The following PRCP variants were observed in gnomAD, a reference collection of about 807,000 sequenced individuals.
PRCP encodes the protein prolylcarboxypeptidase, also known as lysosomal Pro-X carboxypeptidase.
PRCP carries 46 observed loss-of-function variants against 54.2 expected under a neutral mutation model. The observed-to-expected ratio is 0.85, with a 90% confidence interval of 0.67 to 1.09. The LOEUF (loss-of-function observed/expected upper bound fraction) is 1.09. Among genes scored for constraint, PRCP ranks in the 50% least tolerant of loss-of-function variants. The probability of loss-of-function intolerance (pLI) is 0.00; values close to 1 mark genes in which losing one functional copy is unlikely to be tolerated. For missense variants in PRCP, 613 were observed against 596.8 expected (o/e 1.03, Z -0.28); for synonymous variants, 240 against 212.2 (o/e 1.13, Z -1.14).
chr11:82,845,632 C>T (rs903908929), intron 6 of PRCP: 8 of 152,130 alleles, frequency 5.3e-5, no homozygotes, highest in Non-Finnish European at 1.0e-4. Flanking sequence ...CCAAGACAAA[C>T]GGAAGAGATT....
Position 82,825,002 on chromosome 11 carries a change from C to A in PRCP, c.1395G>T (p.Leu465Phe), listed in dbSNP as rs1383895653. 1 of 1,614,096 alleles carries A rather than the reference C, an allele frequency of 6.2e-7. No homozygotes were observed. Among genetic ancestry groups the A allele is most frequent in the Admixed American group, 1.7e-5 (1 of 60,012 alleles). Reference protein sequence around the residue: ...HHLDLRTKNALDPMSVLLARS... With the variant: ...HHLDLRTKNAFDPMSVLLARS... Reference sequence around the variant, plus strand: ...GGGCTAACAGCACAGACATAGGATCCAAGGCATTCTTGGTGCGGAGATCTA... The same window carrying A: ...GGGCTAACAGCACAGACATAGGATCAAAGGCATTCTTGGTGCGGAGATCTA... Residue 465 changes from leucine (L) to phenylalanine (F), a missense_variant, in exon 9 of 9, where the codon TTG (leucine) becomes TTT (phenylalanine). Transcript: ENST00000313010.
At chr11:82,850,662 G>A (rs1858933794) in intron 3 of PRCP, among the ~76,000 whole-genome samples, 157 bp from the exon 4 acceptor site, 1 of 152,220 alleles carries the variant, frequency 6.6e-6, no homozygotes, top group South Asian at 2.1e-4. Flanking sequence ...CAATAACTGT[G>A]TGGATTCAAA....
chr11:82,865,117 G>T (rs1452220022), intron 1 of PRCP, among the ~76,000 whole-genome samples: 1 of 152,142 alleles, frequency 6.6e-6, no homozygotes, highest in East Asian at 1.9e-4. Context: ...AAATAAGAAG[G>T]CTGATGCTCA....
At chr11:82,842,794 C>T (rs1304181148) in intron 6 of PRCP, among the ~76,000 whole-genome samples, 1 of 151,962 alleles carries the variant, frequency 6.6e-6, no homozygotes, top group Non-Finnish European at 1.5e-5. Context: ...AAAATATTTG[C>T]AAATTTAATA....
At chr11:82,879,305 T>A (rs1051798203) in intron 1 of PRCP, among the ~76,000 whole-genome samples, 1 of 152,206 alleles carries the variant, frequency 6.6e-6, no homozygotes, top group African/African-American at 2.4e-5. Flanking sequence ...TACCCTTTCT[T>A]CCACTTGATT....
intron 8 of PRCP, chr11:82,827,537 G>C (rs1000257899): frequency 3.3e-5 from 5 of 152,106 alleles, no homozygotes; most frequent in Non-Finnish European, 7.4e-5. Flanking sequence ...TCAATGAATT[G>C]TCTTGCCACT....
intron 1 of PRCP, among the ~76,000 whole-genome samples, chr11:82,870,186 A>AGCTCGTT (rs1348593490): frequency 1.3e-5 from 2 of 152,282 alleles, no homozygotes; most frequent in Admixed American, 6.5e-5. Context: ...TGTAAAATGT[A>AGCTCGTT]CAACATAGCA....
At chr11:82,854,348 T>A (rs987168798) in intron 2 of PRCP, among the ~76,000 whole-genome samples, 6 of 152,278 alleles carry the variant, frequency 3.9e-5, no homozygotes, top group Non-Finnish European at 7.3e-5. Context: ...GTAGCATGTC[T>A]ATATACCAAT....
chr11:82,894,099 A>G (rs1479507333), intron 1 of PRCP, among the ~76,000 whole-genome samples: 2 of 152,178 alleles, frequency 1.3e-5, no homozygotes, highest in Non-Finnish European at 2.9e-5. Flanking sequence ...AACCATATAA[A>G]AAAATAAAAA....
intron 8 of PRCP, chr11:82,829,700 T>A (rs1267781313): frequency 1.3e-5 from 2 of 152,214 alleles, no homozygotes; most frequent in Non-Finnish European, 2.9e-5. Flanking sequence ...CCATATTGTT[T>A]ATTTCTACAT....
At position 82,845,061 on chromosome 11, in the gene PRCP, A is replaced by G. The variant is rs150682555; in HGVS notation, c.921+3988T>C. Among the ~76,000 whole-genome samples the G allele has an allele frequency of 2.7e-3, 415 of 151,784 alleles. 1 individual carries two copies. The highest frequency in any genetic ancestry group is 9.3e-3 in the African/African-American group (387 of 41,448). On this transcript the variant is annotated intron_variant, in intron 6 of 8. Coordinates refer to ENST00000313010, the MANE Select transcript of PRCP (RefSeq NM_005040.4). ...AAAAAAAAAAAAACAACTGTAAAAT[A>G]GTAGAGTGATACGGCATTTCCTAGA...
Position 82,872,940 on chromosome 11 carries a change from C to A in PRCP, c.169-12823G>T, listed in dbSNP as rs558467511. Among the ~76,000 whole-genome samples, 32 of 152,200 alleles carry A rather than the reference C, an allele frequency of 2.1e-4. 1 individual carries two copies. The highest frequency in any genetic ancestry group is 7.7e-4 in the African/African-American group (32 of 41,528). ...TTTAATGTAGAAAGAGAGATAAGAT[C>A]AGTGGTGAACAAGAGAGAGAATGGT... On this transcript the variant is annotated intron_variant, in intron 1 of 8. Transcript: ENST00000313010.
chr11:82,850,131 T>C, intron 4 of PRCP, 60 bp from the exon 5 acceptor site: 2 of 852,668 alleles, frequency 2.3e-6, no homozygotes, highest in Non-Finnish European at 3.1e-6. Flanking sequence ...ATATATATTA[T>C]ATATATGTCA....
At chr11:82,881,577 GC>G in intron 1 of PRCP, among the ~76,000 whole-genome samples, 1 of 152,296 alleles carries the variant, frequency 6.6e-6, no homozygotes, top group Non-Finnish European at 1.5e-5. Context: ...GTGCCAGCTG[GC>G]CTGGGCTGAA....
chr11:82,848,944 G>C, intron 6 of PRCP, 105 bp downstream of exon 6: 1 of 1,170,982 alleles, frequency 8.5e-7, no homozygotes, highest in Non-Finnish European at 1.2e-6. Flanking sequence ...ACAAACTCTG[G>C]AGCCCCTTTG....
chr11:82,832,668 G>A (rs140422879), intron 8 of PRCP, among the ~76,000 whole-genome samples: 87 of 152,318 alleles, frequency 5.7e-4, no homozygotes, highest in African/African-American at 2.0e-3. Flanking sequence ...TGTTCACTCT[G>A]ATGATAATTT....
At chr11:82,898,289 C>G (rs1338982602) in intron 1 of PRCP, among the ~76,000 whole-genome samples, 1 of 152,086 alleles carries the variant, frequency 6.6e-6, no homozygotes. Context: ...TGCATATCAT[C>G]AAAAATGGAA....
intron 1 of PRCP, among the ~76,000 whole-genome samples, chr11:82,872,010 G>C (rs1182527210): frequency 1.3e-5 from 2 of 152,222 alleles, no homozygotes; most frequent in African/African-American, 4.8e-5. Flanking sequence ...AAATAGGTGA[G>C]TACAGTACAA....
intron 1 of PRCP, among the ~76,000 whole-genome samples, chr11:82,870,864 T>C (rs1771772226): frequency 6.6e-6 from 1 of 152,182 alleles, no homozygotes. Flanking sequence ...ATTAAGGTCA[T>C]TCCTATCTTC....
Sources: gnomAD v4.1 joint callset for allele counts (sites outside exome capture counted in the v4.1 genomes callset) on GRCh38, gnomAD v4.1.1 for gene constraint, MANE v1.5 for transcripts, NCBI Gene and HGNC (gene_info 2026-07-23, HGNC 2026-07-21) for gene names.